The following LINC01488 variants were observed in gnomAD, a reference collection of about 807,000 sequenced individuals.
LINC01488 encodes the protein CCND1-upstream intergenic DNA repair 1.
At chr11:69,482,277 C>CGTG in intron 1 of LINC01488, among the ~76,000 whole-genome samples, 1 of 152,306 alleles carries the variant, frequency 6.6e-6, no homozygotes, top group East Asian at 1.9e-4. Flanking sequence ...ACCATGAGAA[C>CGTG]AGTATGGGGT....
chr11:69,489,478 C>T (rs937593006), intron 1 of LINC01488, among the ~76,000 whole-genome samples: 7 of 152,338 alleles, frequency 4.6e-5, no homozygotes, highest in African/African-American at 7.2e-5. Flanking sequence ...AAACCTCCAG[C>T]GCGAAATCAC....
chr11:69,482,804 G>T (rs77556023), intron 1 of LINC01488, among the ~76,000 whole-genome samples: 2,590 of 152,284 alleles, frequency 0.017, 74 homozygotes, highest in African/African-American at 0.059. Context: ...ATCAAGGTGT[G>T]GCAGGGCTGG....
chr11:69,481,937 G>A (rs1361639857), intron 1 of LINC01488, among the ~76,000 whole-genome samples: 1 of 151,942 alleles, frequency 6.6e-6, no homozygotes, highest in African/African-American at 2.4e-5. Context: ...GTGGATGGAT[G>A]GATAGATGAG....
intron 1 of LINC01488, among the ~76,000 whole-genome samples, chr11:69,482,444 G>A (rs1857056316): frequency 6.6e-6 from 1 of 151,658 alleles, no homozygotes; most frequent in Non-Finnish European, 1.5e-5. Flanking sequence ...GGATGGACGA[G>A]TGGATGGATG....
chr11:69,486,341 A>T (rs575161234), intron 1 of LINC01488, among the ~76,000 whole-genome samples: 3 of 152,076 alleles, frequency 2.0e-5, no homozygotes, highest in South Asian at 4.2e-4. Context: ...CATCTGGGGG[A>T]GCATCTGAGA....
At chr11:69,486,404 C>A (rs1331139381) in intron 1 of LINC01488, among the ~76,000 whole-genome samples, 1 of 152,214 alleles carries the variant, frequency 6.6e-6, no homozygotes, top group Non-Finnish European at 1.5e-5. Flanking sequence ...GGTCCACCTG[C>A]CCACTGGGGC....
chr11:69,488,601 G>A (rs1304717310), intron 1 of LINC01488, among the ~76,000 whole-genome samples: 3 of 152,278 alleles, frequency 2.0e-5, no homozygotes, highest in Non-Finnish European at 2.9e-5. Context: ...CCGGCCCGGG[G>A]TGGGCCCCAC....
intron 1 of LINC01488, chr11:69,487,824 C>G (rs1224977916): frequency 1.3e-5 from 2 of 152,342 alleles, no homozygotes; most frequent in African/African-American, 4.8e-5. Flanking sequence ...TGCCTCCTAC[C>G]CTGACATCCC....
At chr11:69,489,530 G>A (rs1167925567) in intron 1 of LINC01488, among the ~76,000 whole-genome samples, 1 of 152,226 alleles carries the variant, frequency 6.6e-6, no homozygotes, top group Non-Finnish European at 1.5e-5. Context: ...CTCCCATGTG[G>A]TATTTTTAGC....
intron 3 of LINC01488, chr11:69,491,796 A>T (rs886391070): frequency 6.6e-6 from 1 of 152,538 alleles, no homozygotes; most frequent in Admixed American, 6.5e-5. Flanking sequence ...GCGTGGTGAG[A>T]CAGGCAAGGA....
intron 1 of LINC01488, among the ~76,000 whole-genome samples, chr11:69,489,492 A>G (rs867044174): frequency 5.3e-5 from 8 of 152,310 alleles, no homozygotes; most frequent in Admixed American, 2.6e-4. Flanking sequence ...AAATCACTAA[A>G]ATAGCCAGCA....
chr11:69,481,918 G>T (rs1857051732), intron 1 of LINC01488: 1 of 152,028 alleles, frequency 6.6e-6, no homozygotes, highest in African/African-American at 2.4e-5. Context: ...TGAGTGGATG[G>T]TTGGATGAGT....
chr11:69,482,039 T>C (rs548652018), intron 1 of LINC01488, among the ~76,000 whole-genome samples: 2 of 150,510 alleles, frequency 1.3e-5, no homozygotes, highest in East Asian at 4.1e-4. Flanking sequence ...GAGTGAGTGG[T>C]GTATTAGTCT....
At chr11:69,482,864 A>T (rs1857061953) in intron 1 of LINC01488, among the ~76,000 whole-genome samples, 1 of 151,950 alleles carries the variant, frequency 6.6e-6, no homozygotes, top group South Asian at 2.1e-4. Context: ...TTCTCCTCAC[A>T]TTTTCACAGG....
chr11:69,489,275 C>A (rs1857176748), intron 1 of LINC01488, among the ~76,000 whole-genome samples: 1 of 152,114 alleles, frequency 6.6e-6, no homozygotes, highest in African/African-American at 2.4e-5. Context: ...CCACTTGGAG[C>A]TGGTTTCTCC....
chr11:69,486,925 C>A (rs1036906624), intron 1 of LINC01488, among the ~76,000 whole-genome samples: 1 of 152,236 alleles, frequency 6.6e-6, no homozygotes, highest in Non-Finnish European at 1.5e-5. Flanking sequence ...CACCACATTC[C>A]TGAGGTCCCC....
chr11:69,483,009 G>A (rs989791192), intron 1 of LINC01488, among the ~76,000 whole-genome samples: 8 of 152,098 alleles, frequency 5.3e-5, no homozygotes, highest in African/African-American at 1.7e-4. Flanking sequence ...GTTACATTCC[G>A]GGGTCCTGGG....
intron 1 of LINC01488, chr11:69,485,549 G>A (rs1590868929): frequency 6.6e-6 from 1 of 152,398 alleles, no homozygotes; most frequent in Non-Finnish European, 1.5e-5. Context: ...ATTGGCCATA[G>A]GCTCTGGCTT....
chr11:69,491,510 T>C (rs1857219229), intron 3 of LINC01488: 1 of 152,254 alleles, frequency 6.6e-6, no homozygotes, highest in Admixed American at 6.5e-5. Flanking sequence ...TGGGAAGCTG[T>C]GGGGTGAGGG....
Sources: gnomAD v4.1 joint callset for allele counts (sites outside exome capture counted in the v4.1 genomes callset) on GRCh38, gnomAD v4.1.1 for gene constraint, MANE v1.5 for transcripts, NCBI Gene and HGNC (gene_info 2026-07-23, HGNC 2026-07-21) for gene names.